Variants in RAB7B observed in about 807,000 individuals in gnomAD.
The protein encoded by RAB7B is RAB7B, member RAS oncogene family.
intron 4 of RAB7B, among the ~76,000 whole-genome samples, chr1:205,988,793 CG>C (rs1353283184): frequency 6.6e-6 from 1 of 152,166 alleles, no homozygotes; most frequent in Non-Finnish European, 1.5e-5. Context: ...ATCTGCGGGA[CG>C]GGCTCCGAGG....
At chr1:205,987,948 C>A (rs1660642671) in intron 4 of RAB7B, among the ~76,000 whole-genome samples, 1 of 151,996 alleles carries the variant, frequency 6.6e-6, no homozygotes, top group Non-Finnish European at 1.5e-5. Context: ...TCTCACTATG[C>A]TGCCCAGGTT....
At chr1:205,981,405 G>C (rs985080042) in intron 5 of RAB7B, among the ~76,000 whole-genome samples, 13 of 151,996 alleles carry the variant, frequency 8.6e-5, no homozygotes, top group Non-Finnish European at 1.6e-4. Context: ...TTCTCTTTCA[G>C]AATGTTAACT....
intron 4 of RAB7B, among the ~76,000 whole-genome samples, chr1:205,987,945 A>G (rs1283808163): frequency 2.0e-5 from 3 of 152,074 alleles, no homozygotes; most frequent in Non-Finnish European, 2.9e-5. Flanking sequence ...GGGTCTCACT[A>G]TGCTGCCCAG....
chr1:205,993,522 G>A lies in RAB7B; in HGVS notation c.78C>T (p.His26=), dbSNP rs1660760718. 7.5e-6 allele frequency: 3 copies of A among 398,468 alleles called. No individual in the cohort carries two copies. Among genetic ancestry groups the A allele is most frequent in the Admixed American group, 4.4e-5 (1 of 22,712 alleles). 24.7% of individuals were successfully genotyped at this position (398,468 alleles called of 1,614,324 possible). The change falls in exon 3 of 6, where the codon CAC becomes CAT. Residue 26 remains histidine (H), a synonymous_variant. Coordinates refer to ENST00000617070, the MANE Select transcript of RAB7B (RefSeq NM_001164522.3). ...CATAAAACGTCTTGTGCACATATTGGTGAAGGAGGGAGGTCTTTCCCACAC... is the reference window on the plus strand; with the variant it reads ...CATAAAACGTCTTGTGCACATATTGATGAAGGAGGGAGGTCTTTCCCACAC... ...AIGVGKTSLL[H]QYVHKTFYEE...
chr1:205,991,287 GA>G (rs1194464041), intron 4 of RAB7B, among the ~76,000 whole-genome samples: 2 of 152,006 alleles, frequency 1.3e-5, no homozygotes, highest in Admixed American at 6.6e-5. Context: ...CCCAGTGGGG[GA>G]AAAAATGGAG....
At chr1:205,997,098 C>T (rs1660821493) in intron 1 of RAB7B, among the ~76,000 whole-genome samples, 1 of 152,328 alleles carries the variant, frequency 6.6e-6, no homozygotes, top group Non-Finnish European at 1.5e-5. Context: ...GTTGGTGGCA[C>T]TGGAACTTCT....
chr1:205,989,603 C>T (rs1660682156), intron 4 of RAB7B, among the ~76,000 whole-genome samples: 1 of 152,080 alleles, frequency 6.6e-6, no homozygotes, highest in African/African-American at 2.4e-5. Flanking sequence ...CTCCTGTGCC[C>T]CGATCTCCTT....
Position 205,976,883 on chromosome 1 carries a change from C to A in RAB7B, c.*1968G>T, listed in dbSNP as rs1362097874. 2.0e-5 allele frequency: 3 copies of A among 152,238 alleles called. No individual in the cohort carries two copies. 9.4% of individuals were successfully genotyped at this position (152,238 alleles called of 1,614,324 possible). A position where few individuals can be genotyped will look rare whatever the true frequency, so the allele number is the denominator to read the frequency against. On this transcript the variant is annotated 3_prime_UTR_variant, in exon 6 of 6. Coordinates refer to ENST00000617070, the MANE Select transcript of RAB7B (RefSeq NM_001164522.3). ...CTCCCAGGACAGCCTGTGTGATATG[C>A]AAAATGCCATTCCCATGAGGGCGCA...
At chr1:205,981,314 A>G (rs1371116041) in intron 5 of RAB7B, among the ~76,000 whole-genome samples, 2 of 152,256 alleles carry the variant, frequency 1.3e-5, no homozygotes, top group Admixed American at 1.3e-4. Context: ...ACAACTAAAT[A>G]CCTAATCCTT....
chr1:205,987,373 GC>G (rs1660629812), intron 4 of RAB7B, among the ~76,000 whole-genome samples: 1 of 152,156 alleles, frequency 6.6e-6, no homozygotes, highest in African/African-American at 2.4e-5. Context: ...CATTAATGTT[GC>G]TTTTGGTCAA....
intron 4 of RAB7B, among the ~76,000 whole-genome samples, chr1:205,990,677 C>T (rs1660705970): frequency 6.6e-6 from 1 of 152,086 alleles, no homozygotes; most frequent in African/African-American, 2.4e-5. Flanking sequence ...ATGGGAGGTA[C>T]AGCGAAATGT....
Position 205,976,903 on chromosome 1 carries a change from G to T in RAB7B, c.*1948C>A, listed in dbSNP as rs1357992957. 2.0e-5 allele frequency: 3 copies of T among 152,154 alleles called. No individual in the cohort carries two copies. The highest frequency in any genetic ancestry group is 2.0e-4 in the Admixed American group (3 of 15,280). The allele number at this position is 152,154 out of a possible 1,614,324, so 9.4% of individuals were successfully genotyped here. A position where few individuals can be genotyped will look rare whatever the true frequency, so the allele number is the denominator to read the frequency against. On this transcript the variant is annotated 3_prime_UTR_variant, in exon 6 of 6. Transcript: ENST00000617070. ...ATATGCAAAATGCCATTCCCATGAG[G>T]GCGCATCATGTTTCCCAGGAGCTCT...
At chr1:205,980,819 C>CTCCCTCCCCTTCCCCTCCCCCTT (rs1660478448) in intron 5 of RAB7B, among the ~76,000 whole-genome samples, 2 of 141,326 alleles carry the variant, frequency 1.4e-5, no homozygotes, top group African/African-American at 2.6e-5. Flanking sequence ...TCCCCTCCCC[C>CTCCCTCCCCTTCCCCTCCCCCTT]TCCCTCCCCT....
chr1:205,997,634 C>T (rs1043827292), intron 1 of RAB7B, among the ~76,000 whole-genome samples: 1 of 152,176 alleles, frequency 6.6e-6, no homozygotes, highest in African/African-American at 2.4e-5. Context: ...CAATTCAAGG[C>T]TTGAACCTGG....
chr1:205,989,419 C>T (rs1290974831), intron 4 of RAB7B, among the ~76,000 whole-genome samples: 1 of 152,122 alleles, frequency 6.6e-6, no homozygotes, highest in Non-Finnish European at 1.5e-5. Flanking sequence ...CACCCGCCCT[C>T]CTCACCTTGC....
intron 4 of RAB7B, among the ~76,000 whole-genome samples, chr1:205,990,973 A>T (rs1251593593): frequency 6.6e-6 from 1 of 151,670 alleles, no homozygotes; most frequent in Non-Finnish European, 1.5e-5. Context: ...GGGTTTCACC[A>T]TGTTGGCCAG....
chr1:205,985,363 G>A (rs1441858052), intron 5 of RAB7B, among the ~76,000 whole-genome samples, 177 bp downstream of exon 5: 1 of 152,166 alleles, frequency 6.6e-6, no homozygotes, highest in Non-Finnish European at 1.5e-5. Context: ...CTGGCATTCT[G>A]TGGTTCCAGA....
At chr1:205,988,797 C>G (rs1660664238) in intron 4 of RAB7B, among the ~76,000 whole-genome samples, 1 of 152,168 alleles carries the variant, frequency 6.6e-6, no homozygotes, top group African/African-American at 2.4e-5. Context: ...GCGGGACGGG[C>G]TCCGAGGAGA....
In RAB7B at chr1:205,985,746, CCCCATCAGG is replaced by C. The variant is rs1273846915; in HGVS notation, c.397-90_397-82del. 1.1e-4 allele frequency: 30 copies of C among 271,810 alleles called. 1 individual carries two copies. Among genetic ancestry groups the C allele is most frequent in the African/African-American group, 8.3e-4 (26 of 31,500 alleles). The allele number at this position is 271,810 out of a possible 1,614,324, so 16.8% of individuals were successfully genotyped here. On this transcript the variant is annotated intron_variant, in intron 4 of 5. Transcript: ENST00000617070. ...ATTGCCACCATCACATCCCCACCAT[CCCCATCAGG>C]CCCACCATCCCCACCATCCCCATCA...
Sources: gnomAD v4.1 joint callset for allele counts (sites outside exome capture counted in the v4.1 genomes callset) on GRCh38, gnomAD v4.1.1 for gene constraint, MANE v1.5 for transcripts, NCBI Gene and HGNC (gene_info 2026-07-23, HGNC 2026-07-21) for gene names.